ARHGAP24: variants seen among roughly 807,000 people sequenced by gnomAD.
ARHGAP24 encodes the protein rho GTPase-activating protein 24.
A neutral mutation model predicts 76.4 loss-of-function variants in ARHGAP24; 50 were observed. That is an observed-to-expected ratio of 0.65 (90% CI 0.52 to 0.83). The LOEUF is 0.83. Among genes scored for constraint, ARHGAP24 ranks in the 40% least tolerant of loss-of-function variants. The pLI, the probability that ARHGAP24 is intolerant of heterozygous loss-of-function variation, is 0.00. For missense variants in ARHGAP24, 930 were observed against 914.2 expected (o/e 1.02, Z -0.22); for synonymous variants, 345 against 323.3 (o/e 1.07, Z -0.72).
intron 2 of ARHGAP24, among the ~76,000 whole-genome samples, chr4:85,683,354 G>C (rs1723299470): frequency 1.3e-5 from 2 of 152,094 alleles, no homozygotes; most frequent in African/African-American, 2.4e-5. Context: ...AGCCCATGAA[G>C]GGGAGCACAG....
At chr4:85,513,048 ATCGTAGGTGCTCCC>A (rs1214848203) in intron 1 of ARHGAP24, among the ~76,000 whole-genome samples, 1 of 152,212 alleles carries the variant, frequency 6.6e-6, no homozygotes, top group Non-Finnish European at 1.5e-5. Context: ...TGCCTTGTGA[ATCGTAGGTGCTCCC>A]TCTGTGGCAC....
chr4:85,577,094 ATTGT>A (rs1727408890), intron 2 of ARHGAP24, among the ~76,000 whole-genome samples: 1 of 151,518 alleles, frequency 6.6e-6, no homozygotes, highest in African/African-American at 2.4e-5. Flanking sequence ...AATAGAATTT[ATTGT>A]TTAAGATATT....
chr4:85,584,900 A>G (rs1009028544), intron 2 of ARHGAP24, among the ~76,000 whole-genome samples: 1 of 152,166 alleles, frequency 6.6e-6, no homozygotes, highest in Non-Finnish European at 1.5e-5. Context: ...TTATGTTAAT[A>G]ACTCTTAAGT....
At chr4:85,898,002 T>C (rs55735839) in intron 3 of ARHGAP24, among the ~76,000 whole-genome samples, 549 of 47,904 alleles carry the variant, frequency 0.011, 2 homozygotes, top group African/African-American at 0.042. Context: ...TATATATATA[T>C]ACACATATAT....
chr4:85,572,787 T>G (rs2109965193), intron 2 of ARHGAP24, among the ~76,000 whole-genome samples: 1 of 152,052 alleles, frequency 6.6e-6, no homozygotes, highest in East Asian at 1.9e-4. Context: ...TGTTTTTAAA[T>G]TTTTCATTCT....
At chr4:85,820,213 A>T (rs1312115015) in intron 3 of ARHGAP24, among the ~76,000 whole-genome samples, 1 of 152,234 alleles carries the variant, frequency 6.6e-6, no homozygotes, top group Non-Finnish European at 1.5e-5. Context: ...CATTCACAAT[A>T]GCATGGATAT....
rs532072134 is a variant in ARHGAP24, at chr4:85,636,482, T to C, written c.180+65761T>C. ...TTCCAGACATTAGTTATTTAAACTTTCTGTGTTTCAGCTTCCTAATCTGTA... is the reference window on the plus strand; with the variant it reads ...TTCCAGACATTAGTTATTTAAACTTCCTGTGTTTCAGCTTCCTAATCTGTA... On this transcript the variant is annotated intron_variant, in intron 2 of 9. Coordinates refer to ENST00000395184, the MANE Select transcript of ARHGAP24 (RefSeq NM_001025616.3). Among the ~76,000 whole-genome samples, 7 of 152,078 alleles carry C rather than the reference T, an allele frequency of 4.6e-5. No homozygotes were observed. The South Asian group carries it at 6.2e-4, about 13-fold the overall frequency.
intron 3 of ARHGAP24, among the ~76,000 whole-genome samples, chr4:85,776,031 ATG>A (rs1377416369): frequency 6.6e-6 from 1 of 152,044 alleles, no homozygotes; most frequent in East Asian, 1.9e-4. Context: ...TGAGATTTTT[ATG>A]TGTGTCAGTT....
chr4:85,940,014 G>C (rs1395630468), intron 4 of ARHGAP24, among the ~76,000 whole-genome samples: 1 of 152,110 alleles, frequency 6.6e-6, no homozygotes, highest in Non-Finnish European at 1.5e-5. Flanking sequence ...TGTCAGGATA[G>C]AGTTCAAACA....
intron 3 of ARHGAP24, among the ~76,000 whole-genome samples, chr4:85,745,694 T>C (rs1426733572): frequency 6.6e-6 from 1 of 152,010 alleles, no homozygotes; most frequent in Non-Finnish European, 1.5e-5. Flanking sequence ...TAAAACATAG[T>C]CCTTGAACTT....
chr4:85,759,859 T>A (rs1442749755), intron 3 of ARHGAP24, among the ~76,000 whole-genome samples: 1 of 152,202 alleles, frequency 6.6e-6, no homozygotes, highest in African/African-American at 2.4e-5. Flanking sequence ...CCTTGTATGT[T>A]GCAACCACTT....
At chr4:85,990,145 A>G (rs1740236734) in intron 8 of ARHGAP24, 1 of 151,790 alleles carries the variant, frequency 6.6e-6, no homozygotes, top group Non-Finnish European at 1.5e-5. Flanking sequence ...GTATTTCTAC[A>G]TACTACATTG....
chr4:85,811,835 G>A (rs1230945021), intron 3 of ARHGAP24, among the ~76,000 whole-genome samples: 1 of 152,124 alleles, frequency 6.6e-6, no homozygotes, highest in Admixed American at 6.5e-5. Context: ...TATATGTATA[G>A]AGAAATAAAA....
intron 2 of ARHGAP24, among the ~76,000 whole-genome samples, chr4:85,593,025 C>T (rs1415425458): frequency 2.0e-5 from 3 of 152,062 alleles, no homozygotes; most frequent in African/African-American, 7.2e-5. Flanking sequence ...TTTTAGGAAC[C>T]TCCAAACTGT....
At chr4:85,692,033 A>G (rs1723682017) in intron 2 of ARHGAP24, among the ~76,000 whole-genome samples, 1 of 152,180 alleles carries the variant, frequency 6.6e-6, no homozygotes, top group Admixed American at 6.5e-5. Context: ...GTTGAAATGA[A>G]TTCCCTCAGG....
chr4:85,961,981 A>T (rs1231005200), intron 5 of ARHGAP24, among the ~76,000 whole-genome samples: 1 of 152,128 alleles, frequency 6.6e-6, no homozygotes, highest in Non-Finnish European at 1.5e-5. Context: ...AGCGAAGGGA[A>T]AAACATGTAG....
chr4:85,501,837 A>G lies in ARHGAP24; in HGVS notation c.-21+26278A>G, dbSNP rs188801818. Reference sequence around the variant, plus strand: ...ATGGTATTGCCTAGTTTTTTTTTCTAGGGTTTTTATGGTTTTAGGTCTAAC... The same window carrying G: ...ATGGTATTGCCTAGTTTTTTTTTCTGGGGTTTTTATGGTTTTAGGTCTAAC... On this transcript the variant is annotated intron_variant, in intron 1 of 9. Transcript: ENST00000395184. Among the ~76,000 whole-genome samples, 1,356 of 151,462 alleles carry G rather than the reference A, an allele frequency of 9.0e-3. 13 individuals carry two copies. Among genetic ancestry groups the G allele is most frequent in the African/African-American group, 0.031 (1,282 of 41,304 alleles).
chr4:85,709,341 G>T (rs979977967), intron 2 of ARHGAP24, among the ~76,000 whole-genome samples: 1 of 152,036 alleles, frequency 6.6e-6, no homozygotes, highest in Non-Finnish European at 1.5e-5. Context: ...ATCATAACAG[G>T]TTACAAGATA....
chr4:85,807,948 C>A (rs1184444516), intron 3 of ARHGAP24, among the ~76,000 whole-genome samples: 1 of 152,008 alleles, frequency 6.6e-6, no homozygotes, highest in African/African-American at 2.4e-5. Flanking sequence ...CCCCTGTATC[C>A]CAAATAAATT....
Sources: allele counts gnomAD v4.1 joint callset (sites outside exome capture counted in the v4.1 genomes callset), GRCh38; gene constraint gnomAD v4.1.1; transcripts MANE v1.5; gene names NCBI Gene and HGNC (gene_info 2026-07-23, HGNC 2026-07-21).